Variants in TMEM131 observed in about 807,000 individuals in gnomAD.
TMEM131 encodes transmembrane protein 131.
Under a neutral mutation model 211.6 loss-of-function variants are expected in TMEM131, and 66 were observed. The observed-to-expected ratio is 0.31, with a 90% CI of 0.26 to 0.38. The LOEUF is 0.38. Ranked by LOEUF, TMEM131 falls within the 10% of genes least tolerant of loss-of-function variation. The pLI is 1.00. For missense variants in TMEM131, 2,036 were observed against 2,299.3 expected, an observed-to-expected ratio of 0.89 and a Z score of 2.34; for synonymous variants, 844 against 841.3, an observed-to-expected ratio of 1.00 and a Z score of -0.06.
At chr2:97,982,870 A>G (rs1233717045) in intron 1 of TMEM131, among the ~76,000 whole-genome samples, 1 of 152,184 alleles carries the variant, frequency 6.6e-6, no homozygotes, top group Non-Finnish European at 1.5e-5. Context: ...TCTAGAAGCT[A>G]AAAAAGACAG....
intron 3 of TMEM131, among the ~76,000 whole-genome samples, chr2:97,895,189 G>A (rs1393224609): frequency 3.3e-5 from 5 of 152,150 alleles, no homozygotes; most frequent in South Asian, 2.1e-4. Context: ...ATTTGCATAC[G>A]TTGAACCAGC....
Position 97,995,792 on chromosome 2 carries a change from C to A in TMEM131, c.-130G>T, listed in dbSNP as rs1194997004. ...AGCGACAACGGTTGCGAGCCCGGGG[C>A]TCGATCTCCGAGCGTGGGCCTGGGT... On this transcript the variant is annotated 5_prime_UTR_variant, in exon 1 of 41. Transcript: ENST00000186436. The A allele has an allele frequency of 2.2e-5, 13 of 582,732 alleles. No homozygotes were observed. The highest frequency in any genetic ancestry group is 2.8e-5 in the Non-Finnish European group (12 of 428,326). The allele number at this position is 582,732 out of a possible 1,614,324, so 36.1% of individuals were successfully genotyped here.
intron 1 of TMEM131, among the ~76,000 whole-genome samples, chr2:97,932,798 C>T (rs1254345941): frequency 1.3e-5 from 2 of 149,332 alleles, no homozygotes; most frequent in East Asian, 4.6e-4. Flanking sequence ...GGAACTATAG[C>T]CCAAAACAGC....
intron 5 of TMEM131, among the ~76,000 whole-genome samples, chr2:97,857,066 G>A (rs551833650): frequency 6.6e-6 from 1 of 152,250 alleles, no homozygotes; most frequent in South Asian, 2.1e-4. Flanking sequence ...TTCATATATA[G>A]AAATAGTCCC....
At chr2:97,925,982 G>A (rs1245433100) in intron 2 of TMEM131, among the ~76,000 whole-genome samples, 1 of 151,888 alleles carries the variant, frequency 6.6e-6, no homozygotes, top group Non-Finnish European at 1.5e-5. Context: ...CATGGTGGCA[G>A]GCGCCAGTAG....
chr2:97,887,047 T>C (rs537421519), intron 4 of TMEM131, among the ~76,000 whole-genome samples: 2 of 152,246 alleles, frequency 1.3e-5, no homozygotes, highest in South Asian at 4.2e-4. Flanking sequence ...CTTGGGTGTC[T>C]GTTGGCTTGG....
intron 31 of TMEM131, among the ~76,000 whole-genome samples, chr2:97,786,472 T>C (rs758995466): frequency 7.2e-5 from 11 of 152,204 alleles, no homozygotes; most frequent in Non-Finnish European, 1.3e-4. Context: ...GAGGCTGCAC[T>C]GGGCTGAGAT....
At chr2:97,931,596 T>C (rs1235745205) in intron 1 of TMEM131, among the ~76,000 whole-genome samples, 1 of 152,200 alleles carries the variant, frequency 6.6e-6, no homozygotes, top group Non-Finnish European at 1.5e-5. Flanking sequence ...TAGAAAAATT[T>C]ATGCCATATT....
At chr2:97,985,855 G>A (rs1053259927) in intron 1 of TMEM131, among the ~76,000 whole-genome samples, 4 of 151,822 alleles carry the variant, frequency 2.6e-5, no homozygotes, top group African/African-American at 9.7e-5. Flanking sequence ...AAGAAATAGA[G>A]ATTTGCATTT....
intron 4 of TMEM131, among the ~76,000 whole-genome samples, chr2:97,862,702 A>G (rs952001002): frequency 2.6e-5 from 4 of 152,148 alleles, no homozygotes; most frequent in African/African-American, 4.8e-5. Flanking sequence ...AGAAAACAAA[A>G]AAGAATTAAA....
At chr2:97,970,685 A>G (rs1297857995) in intron 1 of TMEM131, among the ~76,000 whole-genome samples, 1 of 152,154 alleles carries the variant, frequency 6.6e-6, no homozygotes, top group African/African-American at 2.4e-5. Context: ...TGGTCCCAGG[A>G]TTGTGGCCAG....
intron 31 of TMEM131, among the ~76,000 whole-genome samples, chr2:97,782,955 C>A (rs1680081971): frequency 6.8e-6 from 1 of 147,644 alleles, no homozygotes; most frequent in South Asian, 2.1e-4. Flanking sequence ...TGAGACTAAA[C>A]CTATATAGAC....
intron 5 of TMEM131, among the ~76,000 whole-genome samples, chr2:97,845,477 C>G (rs1683381294): frequency 1.3e-5 from 2 of 152,016 alleles, no homozygotes; most frequent in South Asian, 4.1e-4. Context: ...CAACATACTT[C>G]TAAAATAAGC....
chr2:97,836,003 G>A (rs1295450870), intron 8 of TMEM131, among the ~76,000 whole-genome samples: 13 of 152,168 alleles, frequency 8.5e-5, no homozygotes, highest in Admixed American at 8.5e-4. Flanking sequence ...GAAGTTCTTA[G>A]TTCTGTCTAG....
intron 4 of TMEM131, among the ~76,000 whole-genome samples, chr2:97,882,408 G>C (rs1228811037): frequency 6.6e-6 from 1 of 152,184 alleles, no homozygotes; most frequent in Non-Finnish European, 1.5e-5. Flanking sequence ...GTCCCTAATA[G>C]GCTGATTTCA....
chr2:97,971,991 T>C (rs749616347), intron 1 of TMEM131, among the ~76,000 whole-genome samples: 13 of 152,140 alleles, frequency 8.5e-5, no homozygotes, highest in Non-Finnish European at 1.5e-4. Context: ...GTGGATCACT[T>C]GAGGTCAGGA....
intron 2 of TMEM131, among the ~76,000 whole-genome samples, chr2:97,920,341 C>G (rs898242410): frequency 2.0e-5 from 3 of 152,072 alleles, no homozygotes. Flanking sequence ...CGTATCTAAC[C>G]GTGAAATATT....
In TMEM131 at chr2:97,894,943, T is replaced by G. The variant is rs1044817366; in HGVS notation, c.291-6823A>C. On this transcript the variant is annotated intron_variant, in intron 3 of 40. Coordinates refer to ENST00000186436, the MANE Select transcript of TMEM131 (RefSeq NM_015348.2). Reference sequence around the variant, plus strand: ...GTGGTGAGACAAGGCATCCTTGTCTTGTGCCAGTTTTCAAAGGGAATGCTT... The same window carrying G: ...GTGGTGAGACAAGGCATCCTTGTCTGGTGCCAGTTTTCAAAGGGAATGCTT... Among the ~76,000 whole-genome samples the G allele has an allele frequency of 2.0e-5, 3 of 152,182 alleles. No individual in the cohort carries two copies. The East Asian group carries it at 5.8e-4, about 29-fold the overall frequency.
rs199668498 is a variant in TMEM131 at position 97,788,119 on chromosome 2, C to A, written c.4144+4267G>T. The stretch of plus-strand genomic sequence containing the variant: ...TCCTCACTCGCTGTCTTTTTGCTGT[C>A]CCTGCCCCACAGAACTCCAGCACTG... On this transcript the variant is annotated intron_variant, in intron 31 of 40. Transcript: ENST00000186436. Among the ~76,000 whole-genome samples, 18 of 152,254 alleles carry A rather than the reference C, an allele frequency of 1.2e-4. No homozygotes were observed. In the East Asian group the frequency reaches 3.5e-3, roughly 29 times the overall value.
Sources: allele counts gnomAD v4.1 joint callset (sites outside exome capture counted in the v4.1 genomes callset), GRCh38; gene constraint gnomAD v4.1.1; transcripts MANE v1.5; gene names NCBI Gene and HGNC (gene_info 2026-07-23, HGNC 2026-07-21).